Variants in PIGZ observed in about 807,000 individuals in gnomAD.
PIGZ encodes the protein phosphatidylinositol glycan anchor biosynthesis class Z (Gwada blood group), also known as GPI alpha-1,2-mannosyltransferase 4.
In PIGZ, 16 loss-of-function variants were observed where a neutral mutation model predicts 16.4. The ratio of observed to expected loss-of-function variants is 0.97; its 90% CI spans 0.66 to 1.48. PIGZ has a LOEUF of 1.48. Ranked by LOEUF, PIGZ falls within the 40% of genes most tolerant of loss-of-function variation. The pLI is 0.00. For missense variants in PIGZ, 770 were observed against 739.2 expected, an observed-to-expected ratio of 1.04 and a Z score of -0.48; for synonymous variants, 409 against 338.4, an observed-to-expected ratio of 1.21 and a Z score of -2.29.
At chr3:196,953,880 C>T (rs575466059) in intron 1 of PIGZ, among the ~76,000 whole-genome samples, 1 of 148,044 alleles carries the variant, frequency 6.8e-6, no homozygotes, top group African/African-American at 2.6e-5. Flanking sequence ...GTAATCCCAG[C>T]TATTCAGGAG....
At chr3:196,958,126 G>T (rs959938125) in intron 1 of PIGZ, among the ~76,000 whole-genome samples, 1 of 152,040 alleles carries the variant, frequency 6.6e-6, no homozygotes, top group Non-Finnish European at 1.5e-5. Context: ...ATTTTCTTCG[G>T]CTTACATACT....
rs1292701334 is a variant in PIGZ, at chr3:196,948,157, G to A, written c.740C>T (p.Thr247Ile). The change falls in exon 3 of 3, where the codon ACA (threonine) becomes ATA (isoleucine). Residue 247 changes from threonine (T) to isoleucine (I), a missense_variant. Transcript: ENST00000412723. ...PLYLWGTRGATNPGLKSLTRE... is the reference protein window; with the variant it reads ...PLYLWGTRGAINPGLKSLTRE... ...GGTCAGAGACTTCAAACCAGGGTTT[G>A]TGGCTCCACGAGTGCCCCAGAGGTA... The A allele has an allele frequency of 4.5e-5, 73 of 1,612,256 alleles. No individual in the cohort carries two copies. Among genetic ancestry groups the A allele is most frequent in the Non-Finnish European group, 5.9e-5 (70 of 1,178,926 alleles).
At chr3:196,950,733 CCTT>C (rs988003873) in intron 2 of PIGZ, among the ~76,000 whole-genome samples, 1 of 150,786 alleles carries the variant, frequency 6.6e-6, no homozygotes, top group African/African-American at 2.4e-5. Flanking sequence ...ATTCCCTCCT[CCTT>C]CATTAGACTT....
Position 196,948,192 on chromosome 3 carries a change from C to G in PIGZ, c.705G>C (p.Val235=), listed in dbSNP as rs1438493855. ...FNRPTFLAFA[V]VPLYLWGTRG... is the part of the protein sequence containing the mutation. ...GAGTGCCCCAGAGGTAGAGGGGGAC[C>G]ACAGCAAAGGCCAGAAAGGTGGGCC... Residue 235 remains valine (V), a synonymous_variant, in exon 3 of 3, where the codon GTG becomes GTC. Coordinates refer to ENST00000412723, the MANE Select transcript of PIGZ (RefSeq NM_025163.4). 3.1e-6 allele frequency: 5 copies of G among 1,614,068 alleles called. No individual in the cohort carries two copies. The highest frequency in any genetic ancestry group is 4.2e-6 in the Non-Finnish European group (5 of 1,180,002).
chr3:196,948,172 C>T lies in PIGZ; in HGVS notation c.725G>A (p.Gly242Asp), dbSNP rs148186466. 4 of 1,613,630 alleles carry T rather than the reference C, an allele frequency of 2.5e-6. No individual in the cohort carries two copies. The highest frequency in any genetic ancestry group is 3.4e-6 in the Non-Finnish European group (4 of 1,179,704). ...AFAVVPLYLW[G>D]TRGATNPGLK... Reference sequence around the variant, plus strand: ...ACCAGGGTTTGTGGCTCCACGAGTGCCCCAGAGGTAGAGGGGGACCACAGC... The same window carrying T: ...ACCAGGGTTTGTGGCTCCACGAGTGTCCCAGAGGTAGAGGGGGACCACAGC... Residue 242 changes from glycine to aspartate, a missense_variant, in exon 3 of 3, where the codon GGC becomes GAC. Coordinates refer to ENST00000412723, the MANE Select transcript of PIGZ (RefSeq NM_025163.4).
At chr3:196,964,138 C>T (rs953228005) in intron 1 of PIGZ, among the ~76,000 whole-genome samples, 23 of 152,224 alleles carry the variant, frequency 1.5e-4, no homozygotes, top group Admixed American at 9.8e-4. Flanking sequence ...GCAAGCTCCA[C>T]CTCCCGGGTT....
rs752865579 is a variant in PIGZ at position 196,947,329 on chromosome 3, G to T, written c.1568C>A (p.Thr523Asn). 5 of 1,614,198 alleles carry T rather than the reference G, an allele frequency of 3.1e-6. No individual in the cohort carries two copies. The highest frequency in any genetic ancestry group is 1.7e-5 in the Admixed American group (1 of 60,024). ...GPWLCRLFVV[T>N]PGTTRRAVEK... ...CACGGCACGCCTGGTGGTGCCAGGGGTTACCACAAAGAGGCGGCAGAGCCA... is the reference window on the plus strand; with the variant it reads ...CACGGCACGCCTGGTGGTGCCAGGGTTTACCACAAAGAGGCGGCAGAGCCA... The change falls in exon 3 of 3, where the codon ACC becomes AAC. Residue 523 changes from threonine to asparagine, a missense_variant. Coordinates refer to ENST00000412723, the MANE Select transcript of PIGZ (RefSeq NM_025163.4).
intron 1 of PIGZ, among the ~76,000 whole-genome samples, chr3:196,968,285 T>TG (rs1422204265): frequency 2.0e-5 from 3 of 152,210 alleles, no homozygotes; most frequent in African/African-American, 7.2e-5. Context: ...CTTGCCCTGT[T>TG]GCTGTTTCAT....
chr3:196,957,675 C>T (rs1355341950), intron 1 of PIGZ, among the ~76,000 whole-genome samples: 2 of 152,154 alleles, frequency 1.3e-5, no homozygotes, highest in Non-Finnish European at 2.9e-5. Flanking sequence ...CCACTGTGCC[C>T]GGCCAAATTT....
Position 196,947,713 on chromosome 3 carries a change from AGGG to A in PIGZ, c.1181_1183del (p.Pro394del). On this transcript the variant is annotated inframe_deletion, in exon 3 of 3. Coordinates refer to ENST00000412723, the MANE Select transcript of PIGZ (RefSeq NM_025163.4). Reference sequence around the variant, plus strand: ...ACAAAGCAGGACCAGGGGGACCAGGAGGGGAATCAGGAACCGAGCCTCCTGGTG... The same window carrying A: ...ACAAAGCAGGACCAGGGGGACCAGGAGAATCAGGAACCGAGCCTCCTGGTG... 6.2e-7 allele frequency: 1 copy of A among 1,613,212 alleles called. No individual in the cohort carries two copies.
chr3:196,947,332 A>G lies in PIGZ; in HGVS notation c.1565T>C (p.Val522Ala). 3 of 1,614,188 alleles carry G rather than the reference A, an allele frequency of 1.9e-6. No individual in the cohort carries two copies. The highest frequency in any genetic ancestry group is 2.5e-6 in the Non-Finnish European group (3 of 1,180,032). The stretch of plus-strand genomic sequence containing the variant: ...GGCACGCCTGGTGGTGCCAGGGGTT[A>G]CCACAAAGAGGCGGCAGAGCCATGG... ...GGPWLCRLFVVTPGTTRRAVE... is the reference protein window; with the variant it reads ...GGPWLCRLFVATPGTTRRAVE... The change falls in exon 3 of 3, where the codon GTA becomes GCA. Residue 522 changes from valine to alanine, a missense_variant. By Grantham distance (64) the Val-to-Ala change is moderately conservative. Coordinates refer to ENST00000412723, the MANE Select transcript of PIGZ (RefSeq NM_025163.4).
At chr3:196,955,458 T>G (rs989241035) in intron 1 of PIGZ, among the ~76,000 whole-genome samples, 8 of 152,092 alleles carry the variant, frequency 5.3e-5, no homozygotes, top group African/African-American at 1.7e-4. Flanking sequence ...TAATCTCTAG[T>G]TCTGTTTTGT....
intron 1 of PIGZ, among the ~76,000 whole-genome samples, chr3:196,954,471 C>A (rs6808557): frequency 2.0e-5 from 3 of 151,956 alleles, no homozygotes; most frequent in African/African-American, 7.3e-5. Flanking sequence ...ATAATCGTCA[C>A]CAGAATTGTG....
chr3:196,950,410 G>A (rs1717228161), intron 2 of PIGZ, among the ~76,000 whole-genome samples: 2 of 152,204 alleles, frequency 1.3e-5, no homozygotes, highest in Non-Finnish European at 2.9e-5. Flanking sequence ...GTGGGGGCGC[G>A]GGAGCAGCTC....
intron 1 of PIGZ, among the ~76,000 whole-genome samples, chr3:196,957,907 C>T (rs992614628): frequency 2.0e-5 from 3 of 152,098 alleles, no homozygotes; most frequent in Non-Finnish European, 4.4e-5. Flanking sequence ...TACAATAAGA[C>T]ACCCTAGAAG....
At position 196,948,067 on chromosome 3, in the gene PIGZ, C is replaced by T. The variant is rs1318944264; in HGVS notation, c.830G>A (p.Ser277Asn). 2 of 1,587,426 alleles carry T rather than the reference C, an allele frequency of 1.3e-6. No homozygotes were observed. Among genetic ancestry groups the T allele is most frequent in the East Asian group, 4.5e-5 (2 of 44,492 alleles). Residue 277 changes from serine to asparagine, a missense_variant, in exon 3 of 3, where the codon AGC (serine) becomes AAC (asparagine). Transcript: ENST00000412723. ...LTAAVFVATD[S>N]WYFSSPATSR... is the part of the protein sequence containing the mutation. ...TGTAGCGGGGCTGGAGAAATACCAG[C>T]TGTCCGTGGCCACAAACACCGCTGC...
At chr3:196,951,399 C>T (rs1011873873) in intron 2 of PIGZ, 2 of 254,956 alleles carry the variant, frequency 7.8e-6, no homozygotes, top group Non-Finnish European at 1.5e-5. Context: ...GAGTGAGTGT[C>T]CCAGGTCTGG....
intron 2 of PIGZ, among the ~76,000 whole-genome samples, chr3:196,949,233 G>A (rs1198648141): frequency 6.6e-6 from 1 of 151,892 alleles, no homozygotes; most frequent in African/African-American, 2.4e-5. Context: ...CTGGCCCGCA[G>A]GATGGACTGT....
At position 196,947,302 on chromosome 3, in the gene PIGZ, T is replaced by C; in HGVS notation, c.1595A>G (p.Glu532Gly). 7 of 1,614,170 alleles carry C rather than the reference T, an allele frequency of 4.3e-6. No homozygotes were observed. The highest frequency in any genetic ancestry group is 5.9e-6 in the Non-Finnish European group (7 of 1,180,012). ...ATTCTTGAAGGGGAAGCTGCACTTC[T>C]CCACGGCACGCCTGGTGGTGCCAGG... ...VTPGTTRRAV[E>G]KCSFPFKNET... The change falls in exon 3 of 3, where the codon GAG becomes GGG. Residue 532 changes from glutamate to glycine, a missense_variant. By Grantham distance (98) the Glu-to-Gly change is moderately conservative. Transcript: ENST00000412723.
Sources: allele counts gnomAD v4.1 joint callset (sites outside exome capture counted in the v4.1 genomes callset), GRCh38; gene constraint gnomAD v4.1.1; transcripts MANE v1.5; gene names NCBI Gene and HGNC (gene_info 2026-07-23, HGNC 2026-07-21).